Variants in FBXL7 observed in about 807,000 individuals in gnomAD.
FBXL7 encodes F-box/LRR-repeat protein 7.
A neutral mutation model predicts 38.3 loss-of-function variants in FBXL7; 12 were observed. The observed-to-expected ratio is 0.31, with a 90% confidence interval of 0.20 to 0.51. The LOEUF (loss-of-function observed/expected upper bound fraction) is 0.51. FBXL7 is among the 20% of genes least tolerant of loss of function. FBXL7 has a pLI of 0.98. For missense variants in FBXL7, 567 were observed against 676.4 expected (o/e 0.84, Z 1.79); for synonymous variants, 297 against 300.9 (o/e 0.99, Z 0.13).
intron 2 of FBXL7, among the ~76,000 whole-genome samples, chr5:15,744,873 T>G (rs1735975209): frequency 6.6e-6 from 1 of 151,980 alleles, no homozygotes; most frequent in African/African-American, 2.4e-5. Flanking sequence ...GGAGAAGTGC[T>G]GAGCAAAAAG....
chr5:15,774,765 C>T (rs1736817718), intron 2 of FBXL7, among the ~76,000 whole-genome samples: 1 of 152,138 alleles, frequency 6.6e-6, no homozygotes, highest in Admixed American at 6.6e-5. Context: ...TTTTCCTTGC[C>T]TTTTCTGATT....
At chr5:15,641,364 ACTT>A (rs1561065206) in intron 2 of FBXL7, among the ~76,000 whole-genome samples, 1 of 152,106 alleles carries the variant, frequency 6.6e-6, no homozygotes, top group East Asian at 1.9e-4. Context: ...CAATTAATTC[ACTT>A]CTTCTCTTCC....
intron 1 of FBXL7, among the ~76,000 whole-genome samples, chr5:15,509,924 G>C (rs1486647030): frequency 6.6e-6 from 1 of 152,210 alleles, no homozygotes; most frequent in Non-Finnish European, 1.5e-5. Context: ...GAGAGGGACA[G>C]CTTTAAAACT....
At chr5:15,723,554 T>A (rs1744261314) in intron 2 of FBXL7, among the ~76,000 whole-genome samples, 1 of 152,160 alleles carries the variant, frequency 6.6e-6, no homozygotes, top group Non-Finnish European at 1.5e-5. Context: ...GACATAGAGT[T>A]GAGAAAAGAT....
intron 2 of FBXL7, among the ~76,000 whole-genome samples, chr5:15,801,664 CGCGT>C (rs777443895): frequency 0.012 from 1,745 of 145,234 alleles, 22 homozygotes; most frequent in Non-Finnish European, 0.019. Flanking sequence ...TGTGCGCGCG[CGCGT>C]GTGTGTGTGT....
intron 2 of FBXL7, among the ~76,000 whole-genome samples, chr5:15,694,361 A>G (rs1743269362): frequency 1.3e-5 from 2 of 152,232 alleles, no homozygotes; most frequent in South Asian, 2.1e-4. Flanking sequence ...AGTTAACACC[A>G]GTGTTAATAC....
chr5:15,775,398 C>A (rs1489785146), intron 2 of FBXL7, among the ~76,000 whole-genome samples: 1 of 152,146 alleles, frequency 6.6e-6, no homozygotes, highest in South Asian at 2.1e-4. Flanking sequence ...CACACACACA[C>A]ACACAAATAC....
At chr5:15,582,022 C>A (rs1450884614) in intron 1 of FBXL7, among the ~76,000 whole-genome samples, 1 of 152,160 alleles carries the variant, frequency 6.6e-6, no homozygotes, top group East Asian at 1.9e-4. Flanking sequence ...ATTGCAACCT[C>A]CATCTCCCAG....
chr5:15,722,995 A>G (rs926288221), intron 2 of FBXL7, among the ~76,000 whole-genome samples: 9 of 152,218 alleles, frequency 5.9e-5, no homozygotes, highest in Admixed American at 2.6e-4. Context: ...TGACAAGGGA[A>G]TGGATAATTC....
chr5:15,723,274 G>A (rs1744251257), intron 2 of FBXL7, among the ~76,000 whole-genome samples: 1 of 152,180 alleles, frequency 6.6e-6, no homozygotes, highest in African/African-American at 2.4e-5. Flanking sequence ...AGAGACGTTA[G>A]TAATTACTGT....
intron 1 of FBXL7, among the ~76,000 whole-genome samples, chr5:15,567,011 C>T (rs1173553466): frequency 6.6e-6 from 1 of 152,138 alleles, no homozygotes; most frequent in African/African-American, 2.4e-5. Context: ...AAGGGATGTG[C>T]ATCTACTACT....
chr5:15,547,515 T>G (rs1490861032), intron 1 of FBXL7, among the ~76,000 whole-genome samples: 1 of 152,154 alleles, frequency 6.6e-6, no homozygotes, highest in Non-Finnish European at 1.5e-5. Flanking sequence ...TGAAGCAGTT[T>G]ATTAGTTAGA....
At chr5:15,558,249 C>G (rs1738311002) in intron 1 of FBXL7, among the ~76,000 whole-genome samples, 1 of 152,154 alleles carries the variant, frequency 6.6e-6, no homozygotes, top group African/African-American at 2.4e-5. Context: ...TTAACAGCAC[C>G]ATGCACGGTT....
chr5:15,764,929 G>A lies in FBXL7; in HGVS notation c.127+148857G>A, dbSNP rs546439979. ...CCAAGAGGCAAATTGCAAATATTAT[G>A]TATCTCCTTACATAATAAGAGATAA... On this transcript the variant is annotated intron_variant, in intron 2 of 3. Transcript: ENST00000504595. Among the ~76,000 whole-genome samples the A allele has an allele frequency of 2.4e-3, 373 of 152,272 alleles. 1 individual carries two copies. Among genetic ancestry groups the A allele is most frequent in the African/African-American group, 8.4e-3 (351 of 41,558 alleles).
intron 2 of FBXL7, among the ~76,000 whole-genome samples, chr5:15,858,472 G>T (rs1417872867): frequency 1.3e-5 from 2 of 152,112 alleles, no homozygotes; most frequent in Non-Finnish European, 2.9e-5. Context: ...TCCTTCTGTG[G>T]TGGGATCTGA....
intron 2 of FBXL7, among the ~76,000 whole-genome samples, chr5:15,671,074 C>T (rs755804114): frequency 5.3e-5 from 8 of 152,250 alleles, no homozygotes; most frequent in Admixed American, 1.3e-4. Flanking sequence ...TCAAGGCAAC[C>T]GAGAGTGGTG....
Position 15,553,780 on chromosome 5 carries a change from C to A in FBXL7, c.37+53067C>A, listed in dbSNP as rs1374791618. Among the ~76,000 whole-genome samples, 4 of 152,182 alleles carry A rather than the reference C, an allele frequency of 2.6e-5. No homozygotes were observed. The South Asian group carries it at 8.3e-4, about 32-fold the overall frequency. On this transcript the variant is annotated intron_variant, in intron 1 of 3. Transcript: ENST00000504595. The stretch of plus-strand genomic sequence containing the variant: ...TGCAAGGGTAGGAATTATAGCTAAG[C>A]CTTACAAAGGACTTGAACCAAGACG...
At chr5:15,927,142 C>G (rs1489633326) in intron 2 of FBXL7, among the ~76,000 whole-genome samples, 1 of 152,050 alleles carries the variant, frequency 6.6e-6, no homozygotes, top group Non-Finnish European at 1.5e-5. Flanking sequence ...TAGACAGGGA[C>G]TAGTCCAGCT....
intron 2 of FBXL7, among the ~76,000 whole-genome samples, chr5:15,673,144 C>A (rs942521136): frequency 6.6e-6 from 1 of 151,954 alleles, no homozygotes; most frequent in African/African-American, 2.4e-5. Flanking sequence ...GGCAAAACCC[C>A]GTCTCCACTA....
Sources: gnomAD v4.1 joint callset for allele counts (sites outside exome capture counted in the v4.1 genomes callset) on GRCh38, gnomAD v4.1.1 for gene constraint, MANE v1.5 for transcripts, NCBI Gene and HGNC (gene_info 2026-07-23, HGNC 2026-07-21) for gene names.